The following CEP85L variants were observed in gnomAD, a reference collection of about 807,000 sequenced individuals.
CEP85L encodes the protein centrosomal protein 85L.
CEP85L carries 60 observed loss-of-function variants against 100.3 expected under a neutral mutation model. The ratio of observed to expected loss-of-function variants is 0.60; its 90% CI spans 0.49 to 0.74. The LOEUF is 0.74. Among genes scored for constraint, CEP85L ranks in the 30% least tolerant of loss-of-function variants. The probability of loss-of-function intolerance (pLI) is 0.00; values close to 1 mark genes in which losing one functional copy is unlikely to be tolerated. For synonymous variants in CEP85L, 319 were observed against 322.7 expected (o/e 0.99, Z 0.12); for missense variants, 973 against 936.2 (o/e 1.04, Z -0.51).
At chr6:118,509,278 A>C (rs1775833376) in intron 5 of CEP85L, among the ~76,000 whole-genome samples, 1 of 152,094 alleles carries the variant, frequency 6.6e-6, no homozygotes, top group Non-Finnish European at 1.5e-5. Flanking sequence ...TATGATAATT[A>C]TATAATTAAA....
At chr6:118,706,341 T>G (rs1397112962) in intron 1 of CEP85L, among the ~76,000 whole-genome samples, 1 of 152,180 alleles carries the variant, frequency 6.6e-6, no homozygotes, top group African/African-American at 2.4e-5. Flanking sequence ...GAGGGAAATT[T>G]CAAAAGCTTT....
chr6:118,687,303 G>A (rs1425733682), intron 1 of CEP85L, among the ~76,000 whole-genome samples: 1 of 152,106 alleles, frequency 6.6e-6, no homozygotes, highest in African/African-American at 2.4e-5. Context: ...TCAGCTCACT[G>A]CAACCTCCGC....
At chr6:118,601,241 T>C (rs1781772792) in intron 2 of CEP85L, among the ~76,000 whole-genome samples, 1 of 152,208 alleles carries the variant, frequency 6.6e-6, no homozygotes, top group Admixed American at 6.5e-5. Context: ...TAGTAACAGC[T>C]ATATAGGTTG....
chr6:118,494,607 T>C (rs753294242), intron 5 of CEP85L, among the ~76,000 whole-genome samples: 3 of 151,860 alleles, frequency 2.0e-5, no homozygotes, highest in Non-Finnish European at 4.4e-5. Flanking sequence ...AAAGAAAAAA[T>C]CTTAGAAAAC....
chr6:118,708,488 C>T (rs1777672924), intron 1 of CEP85L, among the ~76,000 whole-genome samples: 2 of 152,192 alleles, frequency 1.3e-5, no homozygotes, highest in African/African-American at 4.8e-5. Flanking sequence ...GTCACAGGTA[C>T]TCTAGTTACT....
At chr6:118,696,983 G>C (rs1335466235) in intron 1 of CEP85L, among the ~76,000 whole-genome samples, 1 of 152,040 alleles carries the variant, frequency 6.6e-6, no homozygotes, top group Non-Finnish European at 1.5e-5. Context: ...GCAGAAAAGG[G>C]GACTATTTAT....
chr6:118,680,974 A>G (rs17080477), intron 1 of CEP85L, among the ~76,000 whole-genome samples: 4,985 of 152,216 alleles, frequency 0.033, 493 homozygotes, highest in Admixed American at 0.21. Flanking sequence ...CTGCGCTACT[A>G]TTGCTGAAAC....
At position 118,614,865 on chromosome 6, in the gene CEP85L, C is replaced by CAGACAGACAGATAGAT. The variant is rs781072805; in HGVS notation, c.232+17587_232+17588insATCTATCTGTCTGTCT. 3.5e-3 allele frequency among the ~76,000 whole-genome samples: 528 copies of CAGACAGACAGATAGAT among 149,954 alleles called. 2 individuals carry two copies. Among genetic ancestry groups the CAGACAGACAGATAGAT allele is most frequent in the Non-Finnish European group, 5.1e-3 (343 of 67,600 alleles). On this transcript the variant is annotated intron_variant, in intron 2 of 12. Coordinates refer to ENST00000368491, the MANE Select transcript of CEP85L (RefSeq NM_001042475.3). ...ATTCATTCATAGACAGACAGACAGA[C>CAGACAGACAGATAGAT]AGATAGATAGATAGATAGATAGATA...
At chr6:118,536,617 G>A (rs144981163) in intron 3 of CEP85L, among the ~76,000 whole-genome samples, 489 of 152,230 alleles carry the variant, frequency 3.2e-3, no homozygotes, top group Non-Finnish European at 6.0e-3. Context: ...CACTGTCGTG[G>A]CTGTAAGTTC....
intron 5 of CEP85L, chr6:118,502,071 T>A: frequency 5.7e-6 from 5 of 871,958 alleles, no homozygotes; most frequent in Non-Finnish European, 9.3e-6. Flanking sequence ...ATCCTGTGGA[T>A]CCCATTGTAG....
chr6:118,584,556 C>T (rs543549635), intron 2 of CEP85L, among the ~76,000 whole-genome samples: 1 of 152,344 alleles, frequency 6.6e-6, no homozygotes, highest in African/African-American at 2.4e-5. Flanking sequence ...CACCAACTTT[C>T]ACCCTTCCTA....
At chr6:118,566,564 C>T (rs952495386) in intron 2 of CEP85L, among the ~76,000 whole-genome samples, 2 of 152,000 alleles carry the variant, frequency 1.3e-5, no homozygotes, top group African/African-American at 4.8e-5. Flanking sequence ...ATTCCAGGCG[C>T]CTGCCAGCAC....
intron 1 of CEP85L, among the ~76,000 whole-genome samples, chr6:118,672,840 A>AGAG (rs924927278): frequency 1.3e-5 from 2 of 151,570 alleles, no homozygotes; most frequent in African/African-American, 4.8e-5. Context: ...AGGAGGAGGA[A>AGAG]GAGGAGGAGG....
chr6:118,617,881 A>C (rs1408918618), intron 2 of CEP85L, among the ~76,000 whole-genome samples: 3 of 152,076 alleles, frequency 2.0e-5, no homozygotes, highest in African/African-American at 7.2e-5. Flanking sequence ...TTTGCTTGCT[A>C]TTCTGTCCCA....
Position 118,538,315 on chromosome 6 carries a change from G to A in CEP85L, c.1021-14395C>T, listed in dbSNP as rs115981091. ...TGTAAGCTTTTTGACATCCTAATAT[G>A]ATTTACTGAAATAACAATTCAAGTA... On this transcript the variant is annotated intron_variant, in intron 3 of 12. Coordinates refer to ENST00000368491, the MANE Select transcript of CEP85L (RefSeq NM_001042475.3). 9.9e-3 allele frequency among the ~76,000 whole-genome samples: 1,506 copies of A among 151,752 alleles called. 36 individuals carry two copies. Among genetic ancestry groups the A allele is most frequent in the African/African-American group, 0.034 (1,394 of 41,436 alleles).
chr6:118,520,158 T>C (rs1776573427), intron 4 of CEP85L, among the ~76,000 whole-genome samples: 1 of 152,168 alleles, frequency 6.6e-6, no homozygotes, highest in South Asian at 2.1e-4. Flanking sequence ...GAAAAGGATG[T>C]TTACTCTCAC....
intron 3 of CEP85L, among the ~76,000 whole-genome samples, chr6:118,535,844 T>C (rs1777558238): frequency 6.6e-6 from 1 of 152,142 alleles, no homozygotes; most frequent in African/African-American, 2.4e-5. Flanking sequence ...GTTAATTTCT[T>C]ACTATGCCTA....
chr6:118,692,117 C>G (rs1437077371), intron 1 of CEP85L, among the ~76,000 whole-genome samples: 1 of 152,066 alleles, frequency 6.6e-6, no homozygotes, highest in Non-Finnish European at 1.5e-5. Context: ...CTTTCTGGGT[C>G]TTAATGATGA....
intron 1 of CEP85L, among the ~76,000 whole-genome samples, chr6:118,707,946 A>ACC (rs1777648812): frequency 3.0e-5 from 4 of 131,734 alleles, no homozygotes; most frequent in Non-Finnish European, 6.3e-5. Flanking sequence ...ACTGGTAGAA[A>ACC]TATGGGAGAA....
Sources: gnomAD v4.1 joint callset for allele counts (sites outside exome capture counted in the v4.1 genomes callset) on GRCh38, gnomAD v4.1.1 for gene constraint, MANE v1.5 for transcripts, NCBI Gene and HGNC (gene_info 2026-07-23, HGNC 2026-07-21) for gene names.